The following DSCAM variants were observed in gnomAD, a reference collection of about 807,000 sequenced individuals.
DSCAM encodes cell adhesion molecule DSCAM.
Under a neutral mutation model 217.7 loss-of-function variants are expected in DSCAM, and 47 were observed. The observed-to-expected ratio is 0.22, with a 90% CI of 0.17 to 0.28. The LOEUF (loss-of-function observed/expected upper bound fraction) is 0.28. Ranked by LOEUF, DSCAM falls within the 10% of genes least tolerant of loss-of-function variation. The pLI is 1.00. For missense variants in DSCAM, 2,080 were observed against 2,618.3 expected, an observed-to-expected ratio of 0.79 and a Z score of 4.49; for synonymous variants, 1,056 against 1,015.3, an observed-to-expected ratio of 1.04 and a Z score of -0.76.
At chr21:40,175,813 A>ACACACG (rs2090722306) in intron 15 of DSCAM, among the ~76,000 whole-genome samples, 2 of 140,830 alleles carry the variant, frequency 1.4e-5, no homozygotes, top group African/African-American at 5.4e-5. Context: ...ACACACGCAC[A>ACACACG]CACACACACA....
intron 25 of DSCAM, 138 bp from the exon 26 acceptor site, chr21:40,079,115 C>T (rs1332618261): frequency 3.3e-6 from 3 of 899,244 alleles, no homozygotes; most frequent in East Asian, 5.3e-5. Context: ...CCACTGGCAA[C>T]TTGTCCCCTG....
intron 10 of DSCAM, among the ~76,000 whole-genome samples, chr21:40,280,267 G>A (rs974106900): frequency 2.8e-5 from 4 of 141,536 alleles, no homozygotes; most frequent in South Asian, 2.3e-4. Context: ...CTGTGGCCTC[G>A]AACTCCCGGG....
Position 40,489,864 on chromosome 21 carries a change from G to A in DSCAM, c.509-120619C>T, listed in dbSNP as rs143980832. ...GACATCTTCCATCCCCTAAATTTTGGAAATGGAAATAAAAATCAAAGATAT... is the reference window on the plus strand; with the variant it reads ...GACATCTTCCATCCCCTAAATTTTGAAAATGGAAATAAAAATCAAAGATAT... On this transcript the variant is annotated intron_variant, in intron 3 of 32. Transcript: ENST00000400454. Among the ~76,000 whole-genome samples the A allele has an allele frequency of 3.1e-4, 47 of 150,338 alleles. 1 individual carries two copies. In the East Asian group the frequency reaches 8.8e-3, roughly 28 times the overall value.
intron 3 of DSCAM, among the ~76,000 whole-genome samples, chr21:40,603,788 A>G (rs566226808): frequency 2.0e-5 from 3 of 152,240 alleles, no homozygotes; most frequent in African/African-American, 7.2e-5. Flanking sequence ...GCTTGTGGCA[A>G]AAAGTCCAGT....
intron 4 of DSCAM, among the ~76,000 whole-genome samples, chr21:40,366,180 G>T (rs997497192): frequency 5.9e-5 from 9 of 151,996 alleles, no homozygotes; most frequent in Non-Finnish European, 8.8e-5. Context: ...TAGTCATTAT[G>T]CATTCTTTTT....
intron 16 of DSCAM, among the ~76,000 whole-genome samples, chr21:40,157,371 C>G (rs769581625): frequency 6.6e-6 from 1 of 152,150 alleles, no homozygotes; most frequent in Non-Finnish European, 1.5e-5. Context: ...GTAGAACTTA[C>G]TGGGTGTGCT....
chr21:40,548,020 A>G (rs978670353), intron 3 of DSCAM, among the ~76,000 whole-genome samples: 1 of 152,156 alleles, frequency 6.6e-6, no homozygotes, highest in Non-Finnish European at 1.5e-5. Flanking sequence ...TTTTTTAGTG[A>G]CAAGTGGCAT....
chr21:40,633,358 A>T (rs1457137911), intron 3 of DSCAM, among the ~76,000 whole-genome samples: 1 of 152,176 alleles, frequency 6.6e-6, no homozygotes, highest in Admixed American at 6.5e-5. Flanking sequence ...AGCAAGACCC[A>T]GTTCCACATC....
At chr21:40,361,566 C>G (rs1433960623) in intron 4 of DSCAM, among the ~76,000 whole-genome samples, 1 of 152,124 alleles carries the variant, frequency 6.6e-6, no homozygotes, top group Non-Finnish European at 1.5e-5. Context: ...TCGAAGTGAG[C>G]TGAGATTGTA....
At chr21:40,046,279 G>A (rs2088839372) in intron 30 of DSCAM, among the ~76,000 whole-genome samples, 1 of 152,184 alleles carries the variant, frequency 6.6e-6, no homozygotes, top group African/African-American at 2.4e-5. Context: ...CTGGAGAGGT[G>A]CGTTAAGATG....
intron 3 of DSCAM, among the ~76,000 whole-genome samples, chr21:40,451,314 T>C (rs2075717493): frequency 1.3e-5 from 2 of 152,252 alleles, no homozygotes; most frequent in South Asian, 4.1e-4. Flanking sequence ...CCCATGGCAC[T>C]TTCTACTGGC....
intron 3 of DSCAM, among the ~76,000 whole-genome samples, chr21:40,562,854 A>G (rs905698660): frequency 6.6e-6 from 1 of 152,186 alleles, no homozygotes; most frequent in Non-Finnish European, 1.5e-5. Flanking sequence ...GCCCTAGAAA[A>G]AGGACCAGAG....
At chr21:40,514,178 C>T (rs1414836455) in intron 3 of DSCAM, among the ~76,000 whole-genome samples, 2 of 152,196 alleles carry the variant, frequency 1.3e-5, no homozygotes, top group Non-Finnish European at 2.9e-5. Flanking sequence ...GAAAACTGGA[C>T]AGGTATGGTG....
chr21:40,459,313 C>A (rs944942244), intron 3 of DSCAM, among the ~76,000 whole-genome samples: 1 of 151,648 alleles, frequency 6.6e-6, no homozygotes, highest in Non-Finnish European at 1.5e-5. Context: ...ACATACCATT[C>A]GATAAGAGAA....
Position 40,179,045 on chromosome 21 carries a change from G to A in DSCAM, c.2829C>T (p.Asn943=). ...QRTKDVSPQL[N]SATIIDIHPS... ...GGTGGATATCAATGATGGTGGCCGA[G>A]TTCAGCTGAGGGGAAACATCTTTGG... Residue 943 remains asparagine (N), a synonymous_variant, in exon 15 of 33, where the codon AAC becomes AAT. Coordinates refer to ENST00000400454, the MANE Select transcript of DSCAM (RefSeq NM_001389.5). 1 of 1,614,122 alleles carries A rather than the reference G, an allele frequency of 6.2e-7. No homozygotes were observed. The highest frequency in any genetic ancestry group is 8.5e-7 in the Non-Finnish European group (1 of 1,180,026).
chr21:40,311,960 T>TTTTTTTTTAAAAAA, intron 9 of DSCAM, 121 bp downstream of exon 9: 1 of 321,030 alleles, frequency 3.1e-6, no homozygotes, highest in Non-Finnish European at 4.8e-6. Context: ...TTTTTTTTTT[T>TTTTTTTTTAAAAAA]AGTGAGATAA....
At chr21:40,226,806 T>G (rs1008823248) in intron 11 of DSCAM, among the ~76,000 whole-genome samples, 1 of 152,196 alleles carries the variant, frequency 6.6e-6, no homozygotes, top group Non-Finnish European at 1.5e-5. Flanking sequence ...GCAGGTAAAC[T>G]TGTGTCACGG....
intron 16 of DSCAM, among the ~76,000 whole-genome samples, chr21:40,150,431 C>G (rs16999371): frequency 0.044 from 6,744 of 152,170 alleles, 202 homozygotes; most frequent in African/African-American, 0.077. Context: ...ATAGACTAGT[C>G]AGATTGAAAT....
At chr21:40,201,551 C>A (rs1158549386) in intron 11 of DSCAM, among the ~76,000 whole-genome samples, 1 of 152,126 alleles carries the variant, frequency 6.6e-6, no homozygotes, top group African/African-American at 2.4e-5. Context: ...AAGCAATTCT[C>A]CTGCCTCAGC....
Sources: gnomAD v4.1 joint callset for allele counts (sites outside exome capture counted in the v4.1 genomes callset) on GRCh38, gnomAD v4.1.1 for gene constraint, MANE v1.5 for transcripts, NCBI Gene and HGNC (gene_info 2026-07-23, HGNC 2026-07-21) for gene names.